The following MYO5B variants were observed in gnomAD, a reference collection of about 807,000 sequenced individuals.
The protein encoded by MYO5B is unconventional myosin-Vb.
MYO5B carries 143 observed loss-of-function variants against 229.3 expected under a neutral mutation model. The observed-to-expected ratio is 0.62, with a 90% confidence interval of 0.54 to 0.72. The LOEUF (loss-of-function observed/expected upper bound fraction) is 0.72. MYO5B is among the 30% of genes least tolerant of loss of function. The pLI is 0.00. For missense variants in MYO5B, 2,321 were observed against 2,331.0 expected (o/e 1.00, Z 0.09); for synonymous variants, 918 against 885.2 (o/e 1.04, Z -0.66).
At chr18:50,047,945 G>A (rs935724726) in intron 2 of MYO5B, among the ~76,000 whole-genome samples, 1 of 130,010 alleles carries the variant, frequency 7.7e-6, no homozygotes, top group Non-Finnish European at 1.6e-5. Context: ...GTTGTGGGGT[G>A]GGGGGAGGGG....
In MYO5B at chr18:50,129,632, T is replaced by C. The variant is rs1044853230; in HGVS notation, c.27+65135A>G. Among the ~76,000 whole-genome samples the C allele has an allele frequency of 3.3e-5, 5 of 152,278 alleles. No individual in the cohort carries two copies. In the East Asian group the frequency reaches 7.7e-4, roughly 24 times the overall value. ...ACAGCCCTATGAAACATCATCTCCATTTTGCAGATGAGGAAACTAAATGTG... is the reference window on the plus strand; with the variant it reads ...ACAGCCCTATGAAACATCATCTCCACTTTGCAGATGAGGAAACTAAATGTG... On this transcript the variant is annotated intron_variant, in intron 1 of 39. Coordinates refer to ENST00000285039, the MANE Select transcript of MYO5B (RefSeq NM_001080467.3).
In MYO5B at chr18:49,853,458, G is replaced by A. The variant is rs200110215; in HGVS notation, c.4212C>T (p.Asn1404=). 6.1e-5 allele frequency: 99 copies of A among 1,614,008 alleles called. No homozygotes were observed. The highest frequency in any genetic ancestry group is 1.1e-4 in the African/African-American group (8 of 74,934). The change falls in exon 31 of 40, where the codon AAC becomes AAT. Residue 1404 remains asparagine, a synonymous_variant. Transcript: ENST00000285039. ...AGACATGGCTACCCACCAGATTCTC[G>A]TTGGTCAGCCGGGATATTTCCTGCT... ...GVQQEISRLT[N]ENLDLKELVE...
rs578204030 is a variant in MYO5B, at chr18:50,091,031, G to A, written c.28-35653C>T. 1.8e-4 allele frequency among the ~76,000 whole-genome samples: 27 copies of A among 152,306 alleles called. No homozygotes were observed. In the South Asian group the frequency reaches 5.6e-3, roughly 32 times the overall value. On this transcript the variant is annotated intron_variant, in intron 1 of 39. Transcript: ENST00000285039. ...GTTCATTTTAAGTTGCTTACCGGCA[G>A]GTATGTGCCTGGGTGTCCAGGTACC...
intron 2 of MYO5B, among the ~76,000 whole-genome samples, chr18:50,049,073 T>TA (rs2030321443): frequency 6.7e-6 from 1 of 149,898 alleles, no homozygotes; most frequent in Non-Finnish European, 1.5e-5. Context: ...GAGACTCAGA[T>TA]ACAAGGGTGA....
chr18:50,187,546 T>G (rs905955169), intron 1 of MYO5B, among the ~76,000 whole-genome samples: 15 of 152,104 alleles, frequency 9.9e-5, no homozygotes, highest in Non-Finnish European at 1.9e-4. Flanking sequence ...AGACAGGGTC[T>G]CACTCTGTCA....
Position 49,864,324 on chromosome 18 carries a change from C to T in MYO5B, c.3660G>A (p.Arg1220=). ...GCGTGGCTTGGTCGGCCACGGCTTT[C>T]CTCAGCTCATTCAGGTCATTCTTCA... ...KKLKNDLNEL[R]KAVADQATQN... is the part of the protein sequence containing the mutation. Residue 1220 remains arginine (R), a synonymous_variant, in exon 28 of 40, where the codon AGG becomes AGA. Coordinates refer to ENST00000285039, the MANE Select transcript of MYO5B (RefSeq NM_001080467.3). 9.3e-6 allele frequency: 15 copies of T among 1,614,150 alleles called. No individual in the cohort carries two copies. The highest frequency in any genetic ancestry group is 1.0e-5 in the Non-Finnish European group (12 of 1,180,048).
chr18:50,173,131 G>A (rs954267425), intron 1 of MYO5B, among the ~76,000 whole-genome samples: 1 of 152,182 alleles, frequency 6.6e-6, no homozygotes, highest in Non-Finnish European at 1.5e-5. Flanking sequence ...TGGGCATGGT[G>A]GCACAAGCCT....
intron 1 of MYO5B, among the ~76,000 whole-genome samples, chr18:50,077,671 A>G (rs953914433): frequency 6.6e-6 from 1 of 152,226 alleles, no homozygotes; most frequent in African/African-American, 2.4e-5. Flanking sequence ...TACACCTGAC[A>G]AAGAAGCTTT....
chr18:49,973,173 G>A (rs2025709450), intron 10 of MYO5B, among the ~76,000 whole-genome samples: 3 of 152,156 alleles, frequency 2.0e-5, no homozygotes, highest in South Asian at 4.1e-4. Context: ...ACTCGTGCAT[G>A]AGACAACTCC....
In MYO5B at chr18:50,061,784, A is replaced by G. The variant is rs200833942; in HGVS notation, c.28-6406T>C. Among the ~76,000 whole-genome samples, 3 of 152,358 alleles carry G rather than the reference A, an allele frequency of 2.0e-5. No individual in the cohort carries two copies. In the East Asian group the frequency reaches 5.8e-4, roughly 29 times the overall value. On this transcript the variant is annotated intron_variant, in intron 1 of 39. Coordinates refer to ENST00000285039, the MANE Select transcript of MYO5B (RefSeq NM_001080467.3). ...ATCTCAGAGTGAACCTCAGGAGCCA[A>G]GGTGGACCTTCAGGGAGAAGAGAAC...
intron 4 of MYO5B, among the ~76,000 whole-genome samples, chr18:50,010,889 T>C (rs932210624): frequency 6.6e-6 from 1 of 152,332 alleles, no homozygotes; most frequent in African/African-American, 2.4e-5. Flanking sequence ...TGGCCAGTAG[T>C]ACAGCTGGCA....
rs367811076 is a variant in MYO5B, at chr18:49,983,810, G to A, written c.946+908C>T. 1.1e-4 allele frequency among the ~76,000 whole-genome samples: 16 copies of A among 152,308 alleles called. 1 individual carries two copies. Among genetic ancestry groups the A allele is most frequent in the South Asian group, 1.0e-3 (5 of 4,828 alleles). Reference sequence around the variant, plus strand: ...CAGAGAACTGACTGGCTCTGGGAGCGTGGCAAATAAGGGTCTGGTTGCCTC... The same window carrying A: ...CAGAGAACTGACTGGCTCTGGGAGCATGGCAAATAAGGGTCTGGTTGCCTC... On this transcript the variant is annotated intron_variant, in intron 8 of 39. Transcript: ENST00000285039.
At chr18:50,039,134 C>T (rs1378281994) in intron 3 of MYO5B, among the ~76,000 whole-genome samples, 1 of 151,744 alleles carries the variant, frequency 6.6e-6, no homozygotes, top group Non-Finnish European at 1.5e-5. Context: ...GCGTTCCCTC[C>T]CGGGACAAGA....
intron 13 of MYO5B, among the ~76,000 whole-genome samples, chr18:49,953,946 T>C (rs2025458642): frequency 1.2e-5 from 1 of 86,788 alleles, no homozygotes; most frequent in Non-Finnish European, 2.4e-5. Flanking sequence ...ACTATATATA[T>C]ACAGACATGT....
intron 1 of MYO5B, among the ~76,000 whole-genome samples, chr18:50,071,357 T>C (rs2030954226): frequency 6.6e-6 from 1 of 152,200 alleles, no homozygotes; most frequent in African/African-American, 2.4e-5. Context: ...GATGTTTCTA[T>C]TTCCTCAAGG....
chr18:49,866,155 G>A (rs1475305958), intron 27 of MYO5B, among the ~76,000 whole-genome samples: 1 of 152,038 alleles, frequency 6.6e-6, no homozygotes, highest in Non-Finnish European at 1.5e-5. Flanking sequence ...TGCAAGCTCC[G>A]CCTCCCAGGT....
At chr18:49,937,112 AG>A in intron 15 of MYO5B, 132 bp downstream of exon 15, 1 of 1,074,464 alleles carries the variant, frequency 9.3e-7, no homozygotes, top group Non-Finnish European at 1.4e-6. Flanking sequence ...CACAAGATAG[AG>A]CTGGATGGCT....
intron 1 of MYO5B, among the ~76,000 whole-genome samples, chr18:50,115,138 A>C (rs2031935152): frequency 6.6e-6 from 1 of 152,142 alleles, no homozygotes; most frequent in Admixed American, 6.5e-5. Context: ...CTGCTCCATC[A>C]TACCTGTCCC....
chr18:49,849,785 C>T, intron 31 of MYO5B, 125 bp from the exon 32 acceptor site: 1 of 779,034 alleles, frequency 1.3e-6, no homozygotes, highest in Non-Finnish European at 2.3e-6. Flanking sequence ...ATGCGCCAGT[C>T]AGGGACGCTG....
Sources: allele counts gnomAD v4.1 joint callset (sites outside exome capture counted in the v4.1 genomes callset), GRCh38; gene constraint gnomAD v4.1.1; transcripts MANE v1.5; gene names NCBI Gene and HGNC (gene_info 2026-07-23, HGNC 2026-07-21).